PTGR1: variants seen among roughly 807,000 people sequenced by gnomAD.
PTGR1 encodes prostaglandin reductase 1.
In PTGR1, 23 loss-of-function variants were observed where a neutral mutation model predicts 37.7. The ratio of observed to expected loss-of-function variants is 0.61; its 90% CI spans 0.44 to 0.86. The LOEUF is 0.86. PTGR1 is among the 40% of genes least tolerant of loss of function. The pLI is 0.00. For missense variants in PTGR1, 351 were observed against 394.3 expected (o/e 0.89, Z 0.93); for synonymous variants, 134 against 140.0 (o/e 0.96, Z 0.30).
chr9:111,563,538 C>T (rs1828409151), intron 9 of PTGR1: 1 of 185,732 alleles, frequency 5.4e-6, no homozygotes, highest in East Asian at 1.4e-4. Flanking sequence ...CAGAGTCTCG[C>T]TCTGTTGCCC....
At chr9:111,592,882 A>C (rs1829660620) in intron 4 of PTGR1, 44 bp downstream of exon 4, 1 of 1,585,478 alleles carries the variant, frequency 6.3e-7, no homozygotes, top group Non-Finnish European at 8.6e-7. Context: ...GGAGGTAAAG[A>C]GGAGACATAT....
At chr9:111,567,735 G>A (rs1335365381) in intron 9 of PTGR1, among the ~76,000 whole-genome samples, 1 of 152,120 alleles carries the variant, frequency 6.6e-6, no homozygotes, top group African/African-American at 2.4e-5. Flanking sequence ...TTAACAGATC[G>A]CTATGGCCAC....
chr9:111,566,940 C>T (rs937224828), intron 9 of PTGR1, among the ~76,000 whole-genome samples: 3 of 151,968 alleles, frequency 2.0e-5, no homozygotes, highest in African/African-American at 7.2e-5. Context: ...CACAAAAAAA[C>T]TAGCCAGGTG....
At chr9:111,574,635 CT>C in intron 8 of PTGR1, 98 bp downstream of exon 8, 1 of 685,060 alleles carries the variant, frequency 1.5e-6, no homozygotes, top group South Asian at 2.4e-5. Flanking sequence ...ATATGAAAAT[CT>C]TTCTAATAAT....
chr9:111,591,866 G>T (rs1275404543), intron 4 of PTGR1, among the ~76,000 whole-genome samples: 5 of 152,288 alleles, frequency 3.3e-5, no homozygotes, highest in African/African-American at 9.6e-5. Context: ...TTGCATGCAG[G>T]ATTGTGTAAA....
Position 111,586,100 on chromosome 9 carries a change from G to A in PTGR1, c.275C>T (p.Thr92Ile). 1.2e-6 allele frequency: 2 copies of A among 1,614,182 alleles called. No individual in the cohort carries two copies. Among genetic ancestry groups the A allele is most frequent in the Non-Finnish European group, 1.7e-6 (2 of 1,180,030 alleles). ...TTTCCCATCAGAAATGGAGTGCGTT[G>A]TCCAGCCTGGAGAAGCCAGTACAAT... ...GTIVLASPGW[T>I]THSISDGKDL... Residue 92 changes from threonine to isoleucine, a missense_variant, in exon 5 of 10, where the codon ACA (threonine) becomes ATA (isoleucine). Transcript: ENST00000407693.
chr9:111,589,766 C>G (rs1295153538), intron 4 of PTGR1, among the ~76,000 whole-genome samples: 4 of 151,730 alleles, frequency 2.6e-5, no homozygotes, highest in African/African-American at 9.7e-5. Context: ...TCCCAAGTAG[C>G]TGGGATTACA....
chr9:111,554,439 C>T (rs1000088513), intron 9 of PTGR1, among the ~76,000 whole-genome samples: 5 of 152,212 alleles, frequency 3.3e-5, no homozygotes, highest in East Asian at 3.8e-4. Context: ...TCTGTTCTTT[C>T]GGTCACCAAA....
At chr9:111,551,590 C>T (rs1037081779) in intron 9 of PTGR1, among the ~76,000 whole-genome samples, 29 of 151,440 alleles carry the variant, frequency 1.9e-4, no homozygotes, top group African/African-American at 6.6e-4. Context: ...TTAGTAGAGG[C>T]GGGGTTTCAC....
chr9:111,564,348 T>G, intron 9 of PTGR1: 1 of 505,922 alleles, frequency 2.0e-6, no homozygotes, highest in Non-Finnish European at 2.7e-6. Flanking sequence ...CTCTGTCACC[T>G]AGGTTTGAGT....
chr9:111,556,510 C>T (rs1318597154), intron 9 of PTGR1, among the ~76,000 whole-genome samples: 2 of 152,254 alleles, frequency 1.3e-5, no homozygotes, highest in Non-Finnish European at 2.9e-5. Context: ...GCCTTGACAT[C>T]CAGGCATTTC....
At chr9:111,564,545 A>G (rs550715367) in intron 9 of PTGR1, among the ~76,000 whole-genome samples, 8 of 151,650 alleles carry the variant, frequency 5.3e-5, no homozygotes, top group African/African-American at 1.9e-4. Context: ...GGCTCAAGTG[A>G]TCCGCCCACC....
chr9:111,557,964 T>C (rs1034915953), downstream of PTGR1, among the ~76,000 whole-genome samples: 2 of 152,086 alleles, frequency 1.3e-5, no homozygotes, highest in Non-Finnish European at 1.5e-5. Flanking sequence ...CTGGCCAAAA[T>C]AGTGAAACTC....
intron 8 of PTGR1, among the ~76,000 whole-genome samples, chr9:111,574,010 C>G (rs1828947938): frequency 1.3e-5 from 2 of 152,192 alleles, no homozygotes. Flanking sequence ...CCCTACTGCT[C>G]CAAGAAGCAC....
downstream of PTGR1, among the ~76,000 whole-genome samples, chr9:111,561,110 TAGAG>T (rs1159365134): frequency 5.4e-3 from 103 of 19,186 alleles, 8 homozygotes; most frequent in Middle Eastern, 0.036. Flanking sequence ...TATATATATA[TAGAG>T]AGAGAGAGAG....
At chr9:111,592,045 G>C (rs1829639308) in intron 4 of PTGR1, among the ~76,000 whole-genome samples, 1 of 152,176 alleles carries the variant, frequency 6.6e-6, no homozygotes, top group Non-Finnish European at 1.5e-5. Context: ...CCCTTGTGGA[G>C]AGCCTATAAA....
At chr9:111,552,683 A>G (rs558860430) in intron 9 of PTGR1, among the ~76,000 whole-genome samples, 54 of 152,308 alleles carry the variant, frequency 3.5e-4, no homozygotes, top group South Asian at 1.4e-3. Context: ...TCTTTGAGAC[A>G]GAATATACCC....
intron 2 of PTGR1, among the ~76,000 whole-genome samples, chr9:111,596,890 G>A (rs1487498146): frequency 7.7e-6 from 1 of 130,038 alleles, no homozygotes; most frequent in Admixed American, 9.0e-5. Flanking sequence ...TCATGCCACT[G>A]CACTCCAACC....
At position 111,578,927 on chromosome 9, in the gene PTGR1, C is replaced by G. The variant is rs1829176476; in HGVS notation, c.520G>C (p.Gly174Arg). 5 of 1,605,658 alleles carry G rather than the reference C, an allele frequency of 3.1e-6. No homozygotes were observed. The highest frequency in any genetic ancestry group is 4.5e-5 in the East Asian group (2 of 44,772). Residue 174 changes from glycine to arginine, a missense_variant, in exon 7 of 10, where the codon GGG (glycine) becomes CGG (arginine). Transcript: ENST00000407693. ...AGGTAGGCAACCTTTTCATCAGACCCTACTGCTCCAACAACTTTGCAGCCC... is the reference window on the plus strand; with the variant it reads ...AGGTAGGCAACCTTTTCATCAGACCGTACTGCTCCAACAACTTTGCAGCCC... Reference protein sequence around the residue: ...LKGCKVVGAVGSDEKVAYLQK... With the variant: ...LKGCKVVGAVRSDEKVAYLQK...
Sources: gnomAD v4.1 joint callset for allele counts (sites outside exome capture counted in the v4.1 genomes callset) on GRCh38, gnomAD v4.1.1 for gene constraint, MANE v1.5 for transcripts, NCBI Gene and HGNC (gene_info 2026-07-23, HGNC 2026-07-21) for gene names.